The following STX18 variants were observed in gnomAD, a reference collection of about 807,000 sequenced individuals.
STX18 encodes syntaxin 18.
STX18 carries 40 observed loss-of-function variants against 50.1 expected under a neutral mutation model. The ratio of observed to expected loss-of-function variants is 0.80; its 90% CI spans 0.62 to 1.04. The LOEUF is 1.04. STX18 is among the 50% of genes least tolerant of loss of function. The probability of loss-of-function intolerance (pLI) is 0.00; values close to 1 mark genes in which losing one functional copy is unlikely to be tolerated. For missense variants in STX18, 410 were observed against 415.8 expected, an observed-to-expected ratio of 0.99 and a Z score of 0.12; for synonymous variants, 158 against 151.8, an observed-to-expected ratio of 1.04 and a Z score of -0.30.
chr4:4,520,255 TCCCAA>T (rs1730451560), intron 1 of STX18, among the ~76,000 whole-genome samples: 1 of 152,190 alleles, frequency 6.6e-6, no homozygotes, highest in Non-Finnish European at 1.5e-5. Context: ...CCCAACTCTT[TCCCAA>T]TAGGGTGCTG....
At chr4:4,507,252 C>T in intron 1 of STX18, 1 of 679,276 alleles carries the variant, frequency 1.5e-6, no homozygotes, top group Non-Finnish European at 2.8e-6. Flanking sequence ...TTACAGTGTA[C>T]TATAAAGAGT....
At chr4:4,528,367 G>A (rs920769456) in intron 1 of STX18, among the ~76,000 whole-genome samples, 3 of 152,096 alleles carry the variant, frequency 2.0e-5, no homozygotes, top group Non-Finnish European at 4.4e-5. Context: ...GGTGATAAGT[G>A]AATTCTTGCT....
chr4:4,447,266 A>G (rs1293930422), intron 5 of STX18, among the ~76,000 whole-genome samples: 1 of 152,098 alleles, frequency 6.6e-6, no homozygotes, highest in Non-Finnish European at 1.5e-5. Flanking sequence ...ACAAATAGCA[A>G]AATTTCTTAG....
At chr4:4,441,005 G>T (rs1398313078) in intron 5 of STX18, among the ~76,000 whole-genome samples, 1 of 152,164 alleles carries the variant, frequency 6.6e-6, no homozygotes, top group Non-Finnish European at 1.5e-5. Context: ...TTCCAAGGAG[G>T]CCACACACAT....
At chr4:4,428,269 T>C (rs1458313240) in intron 7 of STX18, among the ~76,000 whole-genome samples, 1 of 152,250 alleles carries the variant, frequency 6.6e-6, no homozygotes, top group Non-Finnish European at 1.5e-5. Flanking sequence ...CTGGTGGGCC[T>C]GTCAGTTTCT....
At chr4:4,452,308 T>C (rs1726796058) in intron 5 of STX18, among the ~76,000 whole-genome samples, 1 of 152,242 alleles carries the variant, frequency 6.6e-6, no homozygotes, top group African/African-American at 2.4e-5. Context: ...CGCAATAAGT[T>C]ATCCAGAAGA....
At chr4:4,520,386 C>T (rs1730456789) in intron 1 of STX18, among the ~76,000 whole-genome samples, 1 of 152,036 alleles carries the variant, frequency 6.6e-6, no homozygotes, top group Non-Finnish European at 1.5e-5. Context: ...ATAATAAGTG[C>T]AATTCTAAAA....
rs1577333629 is a variant in STX18, at chr4:4,450,429, T to C, written c.497+6762A>G. On this transcript the variant is annotated intron_variant, in intron 5 of 10. Coordinates refer to ENST00000306200, the MANE Select transcript of STX18 (RefSeq NM_016930.4). Reference sequence around the variant, plus strand: ...CTGCACCTCCCGAGTCAAGTGATTCTGGTGCCTCAGCCTCCCACATGGCTA... The same window carrying C: ...CTGCACCTCCCGAGTCAAGTGATTCCGGTGCCTCAGCCTCCCACATGGCTA... Among the ~76,000 whole-genome samples the C allele has an allele frequency of 2.0e-5, 3 of 152,322 alleles. No homozygotes were observed. The East Asian group carries it at 5.8e-4, about 29-fold the overall frequency.
chr4:4,519,315 T>A (rs1213049588), intron 1 of STX18, among the ~76,000 whole-genome samples: 2 of 152,170 alleles, frequency 1.3e-5, no homozygotes, highest in Non-Finnish European at 2.9e-5. Context: ...CATCTATTTT[T>A]AATAAGAGAT....
intron 1 of STX18, among the ~76,000 whole-genome samples, chr4:4,510,972 G>C (rs1056862971): frequency 1.8e-5 from 2 of 109,234 alleles, no homozygotes; most frequent in Admixed American, 1.8e-4. Context: ...ATGGACACAG[G>C]GAGGGGAACA....
intron 1 of STX18, among the ~76,000 whole-genome samples, chr4:4,538,390 C>G (rs1182978955): frequency 6.6e-6 from 1 of 152,146 alleles, no homozygotes; most frequent in Non-Finnish European, 1.5e-5. Flanking sequence ...CCATCTTTTA[C>G]GAATGCAGAC....
intron 1 of STX18, among the ~76,000 whole-genome samples, chr4:4,483,202 TAGC>T (rs1387670012): frequency 6.6e-6 from 1 of 152,212 alleles, no homozygotes; most frequent in Non-Finnish European, 1.5e-5. Flanking sequence ...CTGGAACGTA[TAGC>T]TTCCTTTCTA....
chr4:4,492,258 T>A (rs1728976071), intron 1 of STX18, among the ~76,000 whole-genome samples: 1 of 152,142 alleles, frequency 6.6e-6, no homozygotes, highest in Non-Finnish European at 1.5e-5. Flanking sequence ...GAGCTCATTC[T>A]TAGAAATAAG....
chr4:4,510,442 C>G (rs1258639020), intron 1 of STX18, among the ~76,000 whole-genome samples: 3 of 152,176 alleles, frequency 2.0e-5, no homozygotes, highest in Non-Finnish European at 4.4e-5. Flanking sequence ...CATTAACATT[C>G]TTTTCATCAA....
At chr4:4,503,621 T>C (rs907283872) in intron 1 of STX18, among the ~76,000 whole-genome samples, 8 of 152,026 alleles carry the variant, frequency 5.3e-5, no homozygotes, top group African/African-American at 1.9e-4. Context: ...AAAGAACTTA[T>C]CCACGTAACC....
intron 1 of STX18, chr4:4,507,804 T>C (rs1204168229): frequency 2.6e-5 from 12 of 466,192 alleles, no homozygotes; most frequent in Middle Eastern, 6.4e-4. Context: ...CTAAATAAAA[T>C]ATATTCACAG....
chr4:4,536,132 T>G (rs911686739), intron 1 of STX18, among the ~76,000 whole-genome samples: 1 of 152,260 alleles, frequency 6.6e-6, no homozygotes, highest in Admixed American at 6.5e-5. Context: ...GAATGTTTAC[T>G]CTTAATACCG....
At chr4:4,519,887 C>T (rs757830052) in intron 1 of STX18, among the ~76,000 whole-genome samples, 2 of 152,254 alleles carry the variant, frequency 1.3e-5, no homozygotes, top group South Asian at 4.1e-4. Context: ...CAGTTTATTG[C>T]TAAGTCAGGC....
chr4:4,438,452 T>G lies in STX18; in HGVS notation c.555A>C (p.Lys185Asn). The G allele has an allele frequency of 1.2e-6, 2 of 1,613,988 alleles. No individual in the cohort carries two copies. The highest frequency in any genetic ancestry group is 8.5e-7 in the Non-Finnish European group (1 of 1,179,850). Residue 185 changes from lysine (K) to asparagine (N), a missense_variant, in exon 6 of 11, where the codon AAA (lysine) becomes AAC (asparagine). Lys to Asn is a moderately conservative substitution (Grantham distance 94). Transcript: ENST00000306200. The stretch of plus-strand genomic sequence containing the variant: ...AGTCTTTTGAAGGACTCTGTGAAAC[T>G]TTCTCAGAAGATGTGGATTCTCTTG... ...TKTRESTSSE[K>N]VSQSPSKDSE... is the part of the protein sequence containing the mutation.
Sources: allele counts gnomAD v4.1 joint callset (sites outside exome capture counted in the v4.1 genomes callset), GRCh38; gene constraint gnomAD v4.1.1; transcripts MANE v1.5; gene names NCBI Gene and HGNC (gene_info 2026-07-23, HGNC 2026-07-21).